The following RAB36 variants were observed in gnomAD, a reference collection of about 807,000 sequenced individuals.
RAB36 encodes the protein RAB36, member RAS oncogene family.
RAB36 carries 33 observed loss-of-function variants against 39.3 expected under a neutral mutation model. The observed-to-expected ratio is 0.84, with a 90% CI of 0.64 to 1.12. The LOEUF (loss-of-function observed/expected upper bound fraction) is 1.12. RAB36 is among the 50% of genes most tolerant of loss of function. RAB36 has a pLI of 0.00. For synonymous variants in RAB36, 133 were observed against 140.2 expected (o/e 0.95, Z 0.36); for missense variants, 308 against 355.3 (o/e 0.87, Z 1.07).
chr22:23,169,250 G>A (rs1340244976), downstream of RAB36, among the ~76,000 whole-genome samples: 1 of 152,206 alleles, frequency 6.6e-6, no homozygotes, highest in Non-Finnish European at 1.5e-5. Context: ...ACTCTGGCTG[G>A]GGGCAGGAAT....
chr22:23,152,112 C>CGTGCCCACGGCTGTTGGTTG (rs1409959704), intron 3 of RAB36, among the ~76,000 whole-genome samples: 4 of 152,236 alleles, frequency 2.6e-5, no homozygotes, highest in Non-Finnish European at 5.9e-5. Flanking sequence ...ACAGCACAGA[C>CGTGCCCACGGCTGTTGGTTG]GTGCCCACGG....
intron 2 of RAB36, 100 bp from the exon 3 acceptor site, chr22:23,149,963 G>C (rs2071007562): frequency 1.1e-6 from 1 of 936,052 alleles, no homozygotes; most frequent in African/African-American, 1.6e-5. Flanking sequence ...GTGAGGCCTA[G>C]GAAGGAAGGC....
chr22:23,145,374 C>G (rs150719251), upstream of RAB36: 5 of 1,607,000 alleles, frequency 3.1e-6, no homozygotes, highest in Non-Finnish European at 4.2e-6. Flanking sequence ...CTATGGTGAT[C>G]GCCGGTGCAA....
chr22:23,150,250 G>A (rs1055395625), intron 3 of RAB36, 96 bp downstream of exon 3: 2 of 996,322 alleles, frequency 2.0e-6, no homozygotes, highest in Non-Finnish European at 3.1e-6. Flanking sequence ...ACACACACGA[G>A]GCTGGTGCAG....
Position 23,145,557 on chromosome 22 carries a change from T to C in RAB36, c.-13+6T>C, listed in dbSNP as rs769647298. The C allele has an allele frequency of 2.5e-6, 4 of 1,598,466 alleles. No individual in the cohort carries two copies. The highest frequency in any genetic ancestry group is 3.4e-6 in the Non-Finnish European group (4 of 1,178,254). On this transcript the variant is annotated splice_donor_region_variant and intron_variant, in intron 1 of 10. Coordinates refer to ENST00000263116, the MANE Select transcript of RAB36 (RefSeq NM_004914.5). ...AGCTTTCACAGCCATCGCTGGTGAGTCAGCTCGCCCACTCTGTCCGACCCT... is the reference window on the plus strand; with the variant it reads ...AGCTTTCACAGCCATCGCTGGTGAGCCAGCTCGCCCACTCTGTCCGACCCT...
At chr22:23,151,302 T>C (rs1601903810) in intron 3 of RAB36, among the ~76,000 whole-genome samples, 1 of 151,944 alleles carries the variant, frequency 6.6e-6, no homozygotes, top group Admixed American at 6.6e-5. Context: ...GCACTGGAGG[T>C]GGGGAAACTG....
chr22:23,148,482 G>C (rs1046662664), intron 2 of RAB36, among the ~76,000 whole-genome samples: 9 of 152,174 alleles, frequency 5.9e-5, no homozygotes, highest in African/African-American at 2.2e-4. Flanking sequence ...TCTGGGATTT[G>C]ACCTGGCCGT....
chr22:23,146,527 G>T, intron 1 of RAB36, 78 bp from the exon 2 acceptor site: 2 of 1,553,178 alleles, frequency 1.3e-6, no homozygotes, highest in African/African-American at 2.7e-5. Flanking sequence ...CTGATGAAAA[G>T]TTAGGTGGAA....
intron 9 of RAB36, among the ~76,000 whole-genome samples, 162 bp from the exon 10 acceptor site, chr22:23,160,717 G>A (rs943129366): frequency 6.6e-6 from 1 of 152,176 alleles, no homozygotes; most frequent in African/African-American, 2.4e-5. Flanking sequence ...GCCTGTGTGA[G>A]TGGGTGGGGC....
chr22:23,151,045 C>G (rs1387672338), intron 3 of RAB36, among the ~76,000 whole-genome samples: 1 of 152,216 alleles, frequency 6.6e-6, no homozygotes, highest in Non-Finnish European at 1.5e-5. Flanking sequence ...TGCTTTTGCC[C>G]CTCTTCCTAA....
chr22:23,168,201 C>T (rs2072081381), downstream of RAB36, among the ~76,000 whole-genome samples: 1 of 152,174 alleles, frequency 6.6e-6, no homozygotes, highest in Non-Finnish European at 1.5e-5. Context: ...ACAGGTGAGC[C>T]AGGCTTGGCA....
intron 5 of RAB36, among the ~76,000 whole-genome samples, chr22:23,155,684 C>T (rs1277830243): frequency 6.6e-6 from 1 of 152,220 alleles, no homozygotes; most frequent in Admixed American, 6.5e-5. Context: ...ATGTCTCAGT[C>T]AGAAGGGAGT....
At position 23,162,604 on chromosome 22, in the gene RAB36, C is replaced by T. The variant is rs1480897382; in HGVS notation, c.*1040C>T. On this transcript the variant is annotated 3_prime_UTR_variant, in exon 11 of 11. Transcript: ENST00000263116. ...AGACAGAAATACCCCACACATTCCC[C>T]AGCCTCTCTGCCCAGTATGCTCATC... The T allele has an allele frequency of 2.2e-6, 1 of 455,430 alleles. No individual in the cohort carries two copies. Among genetic ancestry groups the T allele is most frequent in the Non-Finnish European group, 4.4e-6 (1 of 226,234 alleles). The allele number at this position is 455,430 out of a possible 1,614,324, so 28.2% of individuals were successfully genotyped here.
At chr22:23,153,589 T>A in intron 5 of RAB36, 2 of 984,980 alleles carry the variant, frequency 2.0e-6, no homozygotes, top group Non-Finnish European at 2.4e-6. Flanking sequence ...TGAGATGGAG[T>A]ACACAGCACC....
At chr22:23,157,155 C>T (rs2071499232) in intron 6 of RAB36, among the ~76,000 whole-genome samples, 1 of 152,194 alleles carries the variant, frequency 6.6e-6, no homozygotes, top group African/African-American at 2.4e-5. Context: ...TTTCTGCCCA[C>T]CTGGCTCCCC....
downstream of RAB36, among the ~76,000 whole-genome samples, chr22:23,169,085 A>G (rs2072095725): frequency 6.6e-6 from 1 of 152,166 alleles, no homozygotes; most frequent in Admixed American, 6.5e-5. Flanking sequence ...GACCTCATCA[A>G]TAATTGATTC....
chr22:23,156,744 C>T (rs1200590997), intron 6 of RAB36, among the ~76,000 whole-genome samples: 1 of 152,228 alleles, frequency 6.6e-6, no homozygotes, highest in African/African-American at 2.4e-5. Flanking sequence ...AACCAGGCAG[C>T]CCTCAGCCGT....
chr22:23,148,620 G>A (rs1297070911), intron 2 of RAB36, among the ~76,000 whole-genome samples: 1 of 152,166 alleles, frequency 6.6e-6, no homozygotes, highest in Admixed American at 6.5e-5. Context: ...AGTTCATCCT[G>A]CACCCCAGGG....
Position 23,161,729 on chromosome 22 carries a change from A to G in RAB36, c.*165A>G. On this transcript the variant is annotated 3_prime_UTR_variant, in exon 11 of 11. Transcript: ENST00000263116. ...CCCACCGGGCTCAGCTCCAGGGCAC[A>G]GTCACTTGTCCGTTGCAGGTTGGGC... 3 of 625,792 alleles carry G rather than the reference A, an allele frequency of 4.8e-6. No homozygotes were observed. The highest frequency in any genetic ancestry group is 2.0e-5 in the South Asian group (1 of 51,274). The allele number at this position is 625,792 out of a possible 1,614,324, so 38.8% of individuals were successfully genotyped here.
Sources: gnomAD v4.1 joint callset for allele counts (sites outside exome capture counted in the v4.1 genomes callset) on GRCh38, gnomAD v4.1.1 for gene constraint, MANE v1.5 for transcripts, NCBI Gene and HGNC (gene_info 2026-07-23, HGNC 2026-07-21) for gene names.